The following ROCK1 variants were observed in gnomAD, a reference collection of about 807,000 sequenced individuals.
The protein encoded by ROCK1 is rho-associated protein kinase 1.
Under a neutral mutation model 196.8 loss-of-function variants are expected in ROCK1, and 36 were observed. The observed-to-expected ratio is 0.18, with a 90% CI of 0.14 to 0.24. The LOEUF (loss-of-function observed/expected upper bound fraction) is 0.24, where lower values mean the gene tolerates loss of function less well. Ranked by LOEUF, ROCK1 falls within the 10% of genes least tolerant of loss-of-function variation. The pLI, the probability that ROCK1 is intolerant of heterozygous loss-of-function variation, is 1.00. For missense variants in ROCK1, 920 were observed against 1,562.0 expected (o/e 0.59, Z 6.93); for synonymous variants, 443 against 515.9 (o/e 0.86, Z 1.91).
chr18:20,970,261 T>C, intron 23 of ROCK1, 87 bp downstream of exon 23: 1 of 991,322 alleles, frequency 1.0e-6, no homozygotes, highest in Non-Finnish European at 1.5e-6. Context: ...TAAATACACT[T>C]GCACACACAC....
At chr18:21,101,328 G>A (rs2036657835) in intron 1 of ROCK1, among the ~76,000 whole-genome samples, 1 of 152,158 alleles carries the variant, frequency 6.6e-6, no homozygotes, top group African/African-American at 2.4e-5. Flanking sequence ...ATTCTTACAG[G>A]AAGCTATCAC....
At chr18:20,968,305 C>T (rs1368262682) in intron 25 of ROCK1, among the ~76,000 whole-genome samples, 1 of 151,736 alleles carries the variant, frequency 6.6e-6, no homozygotes, top group Non-Finnish European at 1.5e-5. Context: ...AACTGAAATC[C>T]TATTTCTTTT....
intron 6 of ROCK1, among the ~76,000 whole-genome samples, 158 bp downstream of exon 6, chr18:21,043,944 T>C (rs775889038): frequency 4.6e-5 from 7 of 152,120 alleles, no homozygotes; most frequent in Non-Finnish European, 1.0e-4. Context: ...ATTGAAACCA[T>C]GGTATCTAGT....
Position 21,045,479 on chromosome 18 carries a change from G to A in ROCK1, c.415-12C>T. Reference sequence around the variant, plus strand: ...AATGCATAAAAAAGCTATACAAATAGAAAAAACAAACAAAACACATTCATT... The same window carrying A: ...AATGCATAAAAAAGCTATACAAATAAAAAAAACAAACAAAACACATTCATT... On this transcript the variant is annotated splice_polypyrimidine_tract_variant and intron_variant, in intron 4 of 32. Coordinates refer to ENST00000399799, the MANE Select transcript of ROCK1 (RefSeq NM_005406.3). 1.3e-6 allele frequency: 2 copies of A among 1,551,632 alleles called. No individual in the cohort carries two copies. The highest frequency in any genetic ancestry group is 2.3e-5 in the East Asian group (1 of 42,968).
rs749882857 is a variant in ROCK1 at position 21,042,167 on chromosome 18, G to C, written c.889C>G (p.Leu297Val). 7 of 1,606,298 alleles carry C rather than the reference G, an allele frequency of 4.4e-6. No homozygotes were observed. In the Admixed American group the frequency reaches 5.1e-5, roughly 12 times the overall value. Reference sequence around the variant, plus strand: ...ATGTCATTATCATCAGGAAAGGTAAGTGAATTTTTATGGTTCATAATTTTA... The same window carrying C: ...ATGTCATTATCATCAGGAAAGGTAACTGAATTTTTATGGTTCATAATTTTA... ...YSKIMNHKNS[L>V]TFPDDNDISK... is the part of the protein sequence containing the mutation. The change falls in exon 8 of 33, where the codon CTT becomes GTT. Residue 297 changes from leucine to valine, a missense_variant. Around this residue, in one of 6 missense-constraint regions of ROCK1, gnomAD observed 234 missense variants for 460.7 expected, o/e 0.51. Transcript: ENST00000399799.
intron 1 of ROCK1, among the ~76,000 whole-genome samples, chr18:21,104,718 A>G (rs898965062): frequency 5.3e-5 from 8 of 152,246 alleles, no homozygotes; most frequent in African/African-American, 1.9e-4. Flanking sequence ...TGAAAGTATA[A>G]AAGATACACA....
At chr18:20,962,896 C>T (rs776422788) in intron 27 of ROCK1, among the ~76,000 whole-genome samples, 1 of 152,070 alleles carries the variant, frequency 6.6e-6, no homozygotes, top group African/African-American at 2.4e-5. Context: ...GCTTCTCCTG[C>T]GTTTCCTTTC....
At position 21,038,762 on chromosome 18, in the gene ROCK1, A is replaced by T. The variant is rs192946687; in HGVS notation, c.1051+710T>A. Reference sequence around the variant, plus strand: ...TCTCTGATAGATGAACAGGGAAAAAAATCCTAAGATGTCAGCAGGGGAAAG... The same window carrying T: ...TCTCTGATAGATGAACAGGGAAAAATATCCTAAGATGTCAGCAGGGGAAAG... On this transcript the variant is annotated intron_variant, in intron 9 of 32. Coordinates refer to ENST00000399799, the MANE Select transcript of ROCK1 (RefSeq NM_005406.3). Among the ~76,000 whole-genome samples, 92 of 152,298 alleles carry T rather than the reference A, an allele frequency of 6.0e-4. 2 individuals carry two copies. The East Asian group carries it at 0.016, about 26-fold the overall frequency.
intron 1 of ROCK1, among the ~76,000 whole-genome samples, chr18:21,077,049 C>T (rs1347402576): frequency 6.9e-6 from 1 of 144,682 alleles, no homozygotes; most frequent in African/African-American, 2.6e-5. Context: ...TCTCGGCTCA[C>T]TGCAAGCTCC....
chr18:21,051,802 T>C (rs1446312938), intron 2 of ROCK1, among the ~76,000 whole-genome samples: 2 of 152,180 alleles, frequency 1.3e-5, no homozygotes, highest in African/African-American at 2.4e-5. Flanking sequence ...ATACAGTCCC[T>C]GAGGAATGCT....
At chr18:21,034,033 CAAAAAAAA>C (rs777661024) in intron 9 of ROCK1, among the ~76,000 whole-genome samples, 3 of 43,542 alleles carry the variant, frequency 6.9e-5, no homozygotes, top group Non-Finnish European at 9.5e-5. Context: ...GACTCCATCT[CAAAAAAAA>C]AAAAAAAAAT....
chr18:21,050,935 C>T (rs938008260), intron 2 of ROCK1, among the ~76,000 whole-genome samples: 1 of 152,104 alleles, frequency 6.6e-6, no homozygotes, highest in Non-Finnish European at 1.5e-5. Context: ...AATGTAGTTC[C>T]TATTCTTTAA....
At chr18:20,951,477 A>C in intron 32 of ROCK1, 90 bp from the exon 33 acceptor site, 2 of 990,178 alleles carry the variant, frequency 2.0e-6, no homozygotes, top group East Asian at 2.6e-5. Flanking sequence ...GTAAATATAC[A>C]TTATCTTTAC....
At chr18:21,068,187 T>C (rs1598550740) in intron 2 of ROCK1, among the ~76,000 whole-genome samples, 2 of 152,344 alleles carry the variant, frequency 1.3e-5, no homozygotes, top group East Asian at 3.9e-4. Context: ...TCTAGAAGTG[T>C]TATTGTTTTA....
chr18:21,073,599 A>C (rs2036405997), intron 1 of ROCK1, among the ~76,000 whole-genome samples: 1 of 152,204 alleles, frequency 6.6e-6, no homozygotes, highest in Admixed American at 6.5e-5. Flanking sequence ...ACACTATTAT[A>C]AGAAACATTC....
At chr18:21,066,615 T>C (rs2036337064) in intron 2 of ROCK1, among the ~76,000 whole-genome samples, 1 of 152,198 alleles carries the variant, frequency 6.6e-6, no homozygotes, top group African/African-American at 2.4e-5. Context: ...TCCTGAAGTT[T>C]TACCTCAACC....
chr18:21,068,849 T>C (rs762964212), intron 2 of ROCK1, among the ~76,000 whole-genome samples: 2 of 152,180 alleles, frequency 1.3e-5, no homozygotes, highest in Non-Finnish European at 2.9e-5. Context: ...TACTTATTAG[T>C]TCATGTAGCT....
rs765583067 is a variant in ROCK1 at position 20,959,809 on chromosome 18, C to T, written c.3512+31G>A. ...ATAATTATCAAAAGTTAGCTCTCAA[C>T]CCCTTTAAAATTCAATCAAAGGCAA... On this transcript the variant is annotated intron_variant, in intron 29 of 32. Transcript: ENST00000399799. The T allele has an allele frequency of 5.9e-6, 7 of 1,187,500 alleles. No individual in the cohort carries two copies. In the South Asian group the frequency reaches 6.1e-5, roughly 10 times the overall value. 73.6% of individuals were successfully genotyped at this position (1,187,500 alleles called of 1,614,324 possible).
chr18:20,974,937 A>G (rs933175376), intron 22 of ROCK1, among the ~76,000 whole-genome samples: 3 of 152,222 alleles, frequency 2.0e-5, no homozygotes, highest in African/African-American at 7.2e-5. Context: ...AGCTACTGCT[A>G]CATCCCCTTG....
Sources: gnomAD v4.1 joint callset for allele counts (sites outside exome capture counted in the v4.1 genomes callset) on GRCh38, gnomAD v4.1.1 for gene constraint, gnomAD v4.1.1 regional missense constraint, MANE v1.5 for transcripts, NCBI Gene and HGNC (gene_info 2026-07-23, HGNC 2026-07-21) for gene names.